Variants in DNAJB13 observed in about 807,000 individuals in gnomAD.
DNAJB13 encodes DnaJ heat shock protein family (Hsp40) member B13.
DNAJB13 carries 22 observed loss-of-function variants against 35.6 expected under a neutral mutation model. The observed-to-expected ratio is 0.62, with a 90% CI of 0.44 to 0.88. DNAJB13 has a LOEUF of 0.88. DNAJB13 is among the 40% of genes least tolerant of loss of function. The pLI, the probability that DNAJB13 is intolerant of heterozygous loss-of-function variation, is 0.00. For synonymous variants in DNAJB13, 136 were observed against 144.2 expected (o/e 0.94, Z 0.41); for missense variants, 370 against 384.3 (o/e 0.96, Z 0.31).
At position 73,960,248 on chromosome 11, in the gene DNAJB13, G is replaced by A. The variant is rs1454854401; in HGVS notation, c.334+593G>A. ...GCTGGAGTGCAGTGGCATGATCTCT[G>A]CTCACTGCAACCTCCGCCTCCGGGG... On this transcript the variant is annotated intron_variant, in intron 3 of 7. Coordinates refer to ENST00000339764, the MANE Select transcript of DNAJB13 (RefSeq NM_153614.4). Among the ~76,000 whole-genome samples the A allele has an allele frequency of 4.6e-5, 7 of 152,136 alleles. No individual in the cohort carries two copies. In the East Asian group the frequency reaches 1.4e-3, roughly 29 times the overall value.
intron 1 of DNAJB13, among the ~76,000 whole-genome samples, chr11:73,953,710 C>T (rs1416040660): frequency 6.6e-6 from 1 of 152,038 alleles, no homozygotes; most frequent in Non-Finnish European, 1.5e-5. Context: ...CGCTGGGCTG[C>T]CTGTCTTTGG....
chr11:73,968,536 C>T, intron 6 of DNAJB13, 78 bp downstream of exon 6: 1 of 1,144,042 alleles, frequency 8.7e-7, no homozygotes, highest in Non-Finnish European at 1.3e-6. Context: ...CTTGGCCTCC[C>T]CTCCCACAAC....
Position 73,959,750 on chromosome 11 carries a change from ATTATT to A in DNAJB13, c.334+107_334+111del, listed in dbSNP as rs148856834. 249,318 of 1,051,240 alleles carry A rather than the reference ATTATT, an allele frequency of 0.24. 29,540 individuals carry two copies. The highest frequency in any genetic ancestry group is 0.37 in the Admixed American group (10,561 of 28,934). 65.1% of individuals were successfully genotyped at this position (1,051,240 alleles called of 1,614,324 possible). A position where few individuals can be genotyped will look rare whatever the true frequency, so the allele number is the denominator to read the frequency against. ...GTAGTTTTGTTTTTATTTTTACTTT[ATTATT>A]TTATTTTATTTACTTATTTTTTTTG... is the stretch of plus-strand genomic sequence containing the variant. On this transcript the variant is annotated intron_variant, in intron 3 of 7. Coordinates refer to ENST00000339764, the MANE Select transcript of DNAJB13 (RefSeq NM_153614.4).
intron 7 of DNAJB13, among the ~76,000 whole-genome samples, chr11:73,969,740 T>C (rs1951227744): frequency 6.8e-6 from 1 of 146,584 alleles, no homozygotes; most frequent in Non-Finnish European, 1.5e-5. Flanking sequence ...CCGTTTCCCA[T>C]GTCTTAAACA....
At chr11:73,954,742 G>C (rs1352017690) in intron 1 of DNAJB13, among the ~76,000 whole-genome samples, 1 of 152,070 alleles carries the variant, frequency 6.6e-6, no homozygotes, top group Non-Finnish European at 1.5e-5. Context: ...GATCTCCTGA[G>C]GTCGGAAGTT....
intron 4 of DNAJB13, 141 bp downstream of exon 4, chr11:73,965,176 A>G (rs1388526767): frequency 2.1e-6 from 2 of 973,080 alleles, no homozygotes; most frequent in African/African-American, 3.3e-5. Flanking sequence ...CTAGGATGTT[A>G]GAATTCCGGA....
chr11:73,960,111 AAAAGT>A (rs1458557906), intron 3 of DNAJB13, among the ~76,000 whole-genome samples: 2 of 152,190 alleles, frequency 1.3e-5, no homozygotes, highest in African/African-American at 4.8e-5. Flanking sequence ...TTGCAAAAGA[AAAAGT>A]AAAACAGAAT....
At chr11:73,957,962 C>G (rs1041970079) in intron 1 of DNAJB13, among the ~76,000 whole-genome samples, 3 of 150,924 alleles carry the variant, frequency 2.0e-5, no homozygotes, top group African/African-American at 7.5e-5. Flanking sequence ...GGGAGCAGCT[C>G]AGCCAGCCTC....
intron 4 of DNAJB13, 73 bp from the exon 5 acceptor site, chr11:73,966,065 A>T: frequency 1.4e-6 from 2 of 1,397,294 alleles, no homozygotes; most frequent in Non-Finnish European, 2.0e-6. Context: ...GTGTTCATGA[A>T]AATCTGAGCA....
At chr11:73,952,517 C>T (rs902181378) in intron 1 of DNAJB13, among the ~76,000 whole-genome samples, 2 of 152,154 alleles carry the variant, frequency 1.3e-5, no homozygotes, top group South Asian at 4.1e-4. Context: ...TATTCCTGGG[C>T]CAGGTCCTGT....
intron 3 of DNAJB13, 62 bp from the exon 4 acceptor site, chr11:73,964,802 TGTGTGTGTGTGCGC>T (rs1295216567): frequency 4.0e-5 from 31 of 774,430 alleles, no homozygotes; most frequent in Non-Finnish European, 5.4e-5. Flanking sequence ...TGTGTGTGTG[TGTGTGTGTGTGCGC>T]GCGCGCGCAT....
intron 2 of DNAJB13, among the ~76,000 whole-genome samples, chr11:73,958,995 C>T (rs1188527186): frequency 6.6e-6 from 1 of 152,242 alleles, no homozygotes; most frequent in Non-Finnish European, 1.5e-5. Flanking sequence ...AATCCTGGTT[C>T]CTGCGGAAGT....
At chr11:73,958,196 C>G in intron 1 of DNAJB13, 121 bp from the exon 2 acceptor site, 1 of 962,050 alleles carries the variant, frequency 1.0e-6, no homozygotes, top group Non-Finnish European at 1.6e-6. Flanking sequence ...GCCACCACAG[C>G]TGGTGAAGTC....
chr11:73,969,304 C>T lies in DNAJB13; in HGVS notation c.779C>T (p.Pro260Leu), dbSNP rs959101153. The stretch of plus-strand genomic sequence containing the variant: ...CTAGATGACCGTCTGCTCAACATCC[C>T]CATCAATGACATCATCCAGTGAGTC... ...RTLDDRLLNI[P>L]INDIIHPKYF... Residue 260 changes from proline to leucine, a missense_variant, in exon 7 of 8, where the codon CCC (proline) becomes CTC (leucine). Transcript: ENST00000339764. The T allele has an allele frequency of 6.9e-6, 6 of 872,712 alleles. No homozygotes were observed. The highest frequency in any genetic ancestry group is 1.6e-5 in the African/African-American group (1 of 61,432). 54.1% of individuals were successfully genotyped at this position (872,712 alleles called of 1,614,324 possible).
chr11:73,969,380 G>T (rs1951215764), intron 7 of DNAJB13, 58 bp downstream of exon 7: 2 of 855,208 alleles, frequency 2.3e-6, no homozygotes, highest in African/African-American at 3.3e-5. Context: ...TGGGATTTAG[G>T]TGGTAGTGTG....
In DNAJB13 at chr11:73,968,391, A is replaced by C. The variant is rs534466051; in HGVS notation, c.653A>C (p.Lys218Thr). 27 of 1,614,150 alleles carry C rather than the reference A, an allele frequency of 1.7e-5. 1 individual carries two copies. The South Asian group carries it at 2.7e-4, about 16-fold the overall frequency. ...PADIIFIVKE[K>T]LHPRFRREND... The stretch of plus-strand genomic sequence containing the variant: ...GACATCATTTTCATCGTAAAGGAGA[A>C]GCTACACCCTCGCTTCCGCAGGGAG... Residue 218 changes from lysine to threonine, a missense_variant, in exon 6 of 8, where the codon AAG (lysine) becomes ACG (threonine). By Grantham distance (78) the Lys-to-Thr change is moderately conservative. Transcript: ENST00000339764.
rs111934247 is a variant in DNAJB13 at position 73,953,109 on chromosome 11, C to G, written c.68+1972C>G. On this transcript the variant is annotated intron_variant, in intron 1 of 7. Transcript: ENST00000339764. Reference sequence around the variant, plus strand: ...GGCATGATGGCACACACCTGTAGTCCCAGCTACTTGGGAGGCTGAGGTGGG... The same window carrying G: ...GGCATGATGGCACACACCTGTAGTCGCAGCTACTTGGGAGGCTGAGGTGGG... Among the ~76,000 whole-genome samples, 577 of 152,206 alleles carry G rather than the reference C, an allele frequency of 3.8e-3. 4 individuals are homozygous for G. The highest frequency in any genetic ancestry group is 0.013 in the African/African-American group (548 of 41,516).
At chr11:73,962,309 G>C (rs1168991596) in intron 3 of DNAJB13, among the ~76,000 whole-genome samples, 1 of 150,726 alleles carries the variant, frequency 6.6e-6, no homozygotes, top group African/African-American at 2.4e-5. Context: ...CCTAGCATCT[G>C]ACAAGAGTGA....
intron 3 of DNAJB13, 68 bp from the exon 4 acceptor site, chr11:73,964,810 T>TGTGTGTGTGTGC (rs1554992063): frequency 4.3e-6 from 3 of 705,578 alleles, no homozygotes; most frequent in Middle Eastern, 4.3e-4. Context: ...TGTGTGTGTG[T>TGTGTGTGTGTGC]GTGCGCGCGC....
Sources: allele counts gnomAD v4.1 joint callset (sites outside exome capture counted in the v4.1 genomes callset), GRCh38; gene constraint gnomAD v4.1.1; transcripts MANE v1.5; gene names NCBI Gene and HGNC (gene_info 2026-07-23, HGNC 2026-07-21).